The following ADCY4 variants were observed in gnomAD, a reference collection of about 807,000 sequenced individuals.
The protein encoded by ADCY4 is adenylate cyclase 4.
Under a neutral mutation model 125.5 loss-of-function variants are expected in ADCY4, and 111 were observed. That is an observed-to-expected ratio of 0.88 (90% CI 0.76 to 1.04). ADCY4 has a LOEUF of 1.04. Among genes scored for constraint, ADCY4 ranks in the 50% least tolerant of loss-of-function variants. The pLI is 0.00. For missense variants in ADCY4, 1,256 were observed against 1,382.9 expected (o/e 0.91, Z 1.46); for synonymous variants, 576 against 586.9 (o/e 0.98, Z 0.27).
chr14:24,324,391 C>A lies in ADCY4; in HGVS notation c.1824G>T (p.Arg608Ser). The A allele has an allele frequency of 6.2e-7, 1 of 1,613,308 alleles. No homozygotes were observed. Among genetic ancestry groups the A allele is most frequent in the Non-Finnish European group, 8.5e-7 (1 of 1,179,296 alleles). Residue 608 changes from arginine to serine, a missense_variant and splice_region_variant, in exon 15 of 25, where the codon AGG becomes AGT. Transcript: ENST00000418030. ...NFIIQMLVTN[R>S]PPALAITYSI... ...TATACGTGATGGCCAGAGCTGGGGG[C>A]CTGAAGGGAGACAAAAGCGAGGCCT... is the stretch of plus-strand genomic sequence containing the variant.
Position 24,318,551 on chromosome 14 carries a change from T to C in ADCY4, c.3099A>G (p.Ala1033=). Residue 1033 remains alanine, a synonymous_variant, in exon 25 of 25, where the codon GCA becomes GCG. Transcript: ENST00000418030. ...TGTAGCCCAGGGACTGTAGGGCCCA[T>C]GCTGTCTCCTCAGTCACCTACAATT... ...LGKIQVTEET[A]WALQSLGYTC... is the part of the protein sequence containing the mutation. 1 of 1,614,134 alleles carries C rather than the reference T, an allele frequency of 6.2e-7. No homozygotes were observed. Among genetic ancestry groups the C allele is most frequent in the South Asian group, 1.1e-5 (1 of 91,084 alleles).
intron 16 of ADCY4, chr14:24,323,783 G>A (rs1213572028): frequency 3.9e-6 from 2 of 515,400 alleles, no homozygotes; most frequent in Non-Finnish European, 5.0e-6. Flanking sequence ...TTCTAGGAAT[G>A]AGTCTAAATC....
chr14:24,322,332 C>A lies in ADCY4; in HGVS notation c.2428-108G>T, dbSNP rs577255996. On this transcript the variant is annotated intron_variant, in intron 19 of 24. Transcript: ENST00000418030. ...GCCTGAAACCACCCCCACCCCACCC[C>A]CAGTTTAGAAGTAGAGCTTAAGGTG... The A allele has an allele frequency of 2.3e-6, 3 of 1,304,892 alleles. No homozygotes were observed. The South Asian group carries it at 4.2e-5, about 18-fold the overall frequency. The allele number at this position is 1,304,892 out of a possible 1,614,324, so 80.8% of individuals were successfully genotyped here.
chr14:24,323,594 G>C (rs2041891026), intron 16 of ADCY4, 140 bp from the exon 17 acceptor site: 1 of 1,460,394 alleles, frequency 6.8e-7, no homozygotes, highest in Non-Finnish European at 9.0e-7. Flanking sequence ...TGGTTGGGAA[G>C]GGAACCTCAG....
chr14:24,322,705 G>C lies in ADCY4; in HGVS notation c.2346C>G (p.Pro782=), dbSNP rs759609296. Residue 782 remains proline (P), a synonymous_variant, in exon 19 of 25, where the codon CCC becomes CCG. Transcript: ENST00000418030. ...TCAGTTTGGGCTCCTTCAGCACTCCGGGCCTGAAGGGGCCATGGATCAGGG... is the reference window on the plus strand; with the variant it reads ...TCAGTTTGGGCTCCTTCAGCACTCCCGGCCTGAAGGGGCCATGGATCAGGG... ...RLYLGPLDSR[P]GVLKEPKLMG... 2 of 1,613,760 alleles carry C rather than the reference G, an allele frequency of 1.2e-6. No individual in the cohort carries two copies. The highest frequency in any genetic ancestry group is 1.7e-6 in the Non-Finnish European group (2 of 1,179,834).
chr14:24,332,754 G>A (rs74938056), intron 2 of ADCY4, 37 bp downstream of exon 2: 15 of 1,531,744 alleles, frequency 9.8e-6, no homozygotes, highest in Admixed American at 4.0e-5. Context: ...ATCGAAGCCC[G>A]GGCCGTCCCC....
chr14:24,325,744 A>C, intron 13 of ADCY4, 74 bp downstream of exon 13: 1 of 1,521,250 alleles, frequency 6.6e-7, no homozygotes, highest in Non-Finnish European at 8.9e-7. Context: ...GAGGAGACCC[A>C]AGGGCTGACC....
At position 24,334,712 on chromosome 14, in the gene ADCY4, G is replaced by C. The variant is rs2042106756; in HGVS notation, c.-60C>G. ...GGCCGGGCGCCGGGTTACCTCCTTC[G>C]GCCCGGCGGGCCCCACCTGAGCTTT... On this transcript the variant is annotated 5_prime_UTR_variant, in exon 1 of 25. Coordinates refer to ENST00000418030, the MANE Select transcript of ADCY4 (RefSeq NM_001198568.2). 2 of 1,339,024 alleles carry C rather than the reference G, an allele frequency of 1.5e-6. No individual in the cohort carries two copies. The highest frequency in any genetic ancestry group is 2.0e-6 in the Non-Finnish European group (2 of 1,009,772). The allele number at this position is 1,339,024 out of a possible 1,614,324, so 82.9% of individuals were successfully genotyped here. A position where few individuals can be genotyped will look rare whatever the true frequency, so the allele number is the denominator to read the frequency against.
In ADCY4 at chr14:24,326,071, C is replaced by T. The variant is rs1185601033; in HGVS notation, c.1655+8G>A. 4 of 1,571,692 alleles carry T rather than the reference C, an allele frequency of 2.5e-6. No homozygotes were observed. Among genetic ancestry groups the T allele is most frequent in the East Asian group, 2.2e-5 (1 of 44,474 alleles). On this transcript the variant is annotated splice_region_variant and intron_variant, in intron 12 of 24. Transcript: ENST00000418030. ...TGCGGCCCCCCCAGCCCTCTTTGTT[C>T]TCCGTACTTCTGCGAGTTGAGCTGC...
Position 24,334,803 on chromosome 14 carries a change from C to T in ADCY4, c.-151G>A, listed in dbSNP as rs2042108177. The T allele has an allele frequency of 1.6e-6, 1 of 639,108 alleles. No individual in the cohort carries two copies. The highest frequency in any genetic ancestry group is 2.6e-6 in the Non-Finnish European group (1 of 383,298). The allele number at this position is 639,108 out of a possible 1,614,324, so 39.6% of individuals were successfully genotyped here. A position where few individuals can be genotyped will look rare whatever the true frequency, so the allele number is the denominator to read the frequency against. ...CTCGTGGCAATCCCGTCTCCTTTTTCAGGCCCTCCCTGCGGCCTCCCAGCC... is the reference window on the plus strand; with the variant it reads ...CTCGTGGCAATCCCGTCTCCTTTTTTAGGCCCTCCCTGCGGCCTCCCAGCC... On this transcript the variant is annotated 5_prime_UTR_variant, in exon 1 of 25. Transcript: ENST00000418030.
intron 14 of ADCY4, among the ~76,000 whole-genome samples, chr14:24,324,631 C>T (rs2041912017): frequency 6.6e-6 from 1 of 151,604 alleles, no homozygotes; most frequent in Non-Finnish European, 1.5e-5. Flanking sequence ...TGGGGGCTCA[C>T]AAGAATGGCT....
At chr14:24,330,817 C>G (rs11622406) in intron 6 of ADCY4, 14,680 of 556,950 alleles carry the variant, frequency 0.026, 264 homozygotes, top group Non-Finnish European at 0.035. Flanking sequence ...ATTGAGGGAT[C>G]TCTGTAGGTT....
In ADCY4 at chr14:24,330,960, G is replaced by A. The variant is rs2042031394; in HGVS notation, c.930+58C>T. ...TAAGGTGGGAGTTTCCCTTGGAAGGGGCTACCCAGGATGGGATGTTTGAGG... is the reference window on the plus strand; with the variant it reads ...TAAGGTGGGAGTTTCCCTTGGAAGGAGCTACCCAGGATGGGATGTTTGAGG... On this transcript the variant is annotated intron_variant, in intron 6 of 24. Transcript: ENST00000418030. 4.7e-6 allele frequency: 7 copies of A among 1,488,982 alleles called. No homozygotes were observed. In the East Asian group the frequency reaches 1.4e-4, roughly 29 times the overall value. 92.2% of individuals were successfully genotyped at this position (1,488,982 alleles called of 1,614,324 possible). A position where few individuals can be genotyped will look rare whatever the true frequency, so the allele number is the denominator to read the frequency against.
chr14:24,334,664 C>T lies in ADCY4; in HGVS notation c.-12G>A, dbSNP rs748775612. The stretch of plus-strand genomic sequence containing the variant: ...AAGAGGCGGGCCATGATCTCCCCAG[C>T]CCCGAGCCCCGGGGCTGGCTAGGGC... On this transcript the variant is annotated 5_prime_UTR_variant, in exon 1 of 25. Transcript: ENST00000418030. 7.8e-6 allele frequency: 12 copies of T among 1,532,634 alleles called. No homozygotes were observed. Among genetic ancestry groups the T allele is most frequent in the East Asian group, 2.5e-5 (1 of 40,524 alleles). 94.9% of individuals were successfully genotyped at this position (1,532,634 alleles called of 1,614,324 possible).
Position 24,322,926 on chromosome 14 carries a change from AGAGGCGGACGAT to A in ADCY4, c.2308_2319del (p.Ile770_Leu773del), listed in dbSNP as rs771922013. 6.2e-7 allele frequency: 1 copy of A among 1,606,816 alleles called. No individual in the cohort carries two copies. Among genetic ancestry groups the A allele is most frequent in the South Asian group, 1.1e-5 (1 of 89,998 alleles). On this transcript the variant is annotated inframe_deletion, in exon 18 of 25. Coordinates refer to ENST00000418030, the MANE Select transcript of ADCY4 (RefSeq NM_001198568.2). Reference sequence around the variant, plus strand: ...CACCTGGAGTCCAAGGGGCCCAGATAGAGGCGGACGATGAGGCATTCCGACAGCCAGGCATGG... The same window carrying A: ...CACCTGGAGTCCAAGGGGCCCAGATAGAGGCATTCCGACAGCCAGGCATGG...
chr14:24,322,322 C>T (rs935902668), intron 19 of ADCY4, 98 bp from the exon 20 acceptor site: 10 of 1,362,140 alleles, frequency 7.3e-6, no homozygotes, highest in Non-Finnish European at 1.0e-5. Context: ...AAACCACCCC[C>T]ACCCCACCCC....
intron 10 of ADCY4, 54 bp from the exon 11 acceptor site, chr14:24,326,396 A>T: frequency 6.2e-7 from 1 of 1,600,136 alleles, no homozygotes; most frequent in South Asian, 1.1e-5. Flanking sequence ...CCCTGCAGTG[A>T]GGTAGACCAT....
At position 24,329,468 on chromosome 14, in the gene ADCY4, C is replaced by T. The variant is rs2042005611; in HGVS notation, c.1283G>A (p.Gly428Asp). 1 of 1,582,332 alleles carries T rather than the reference C, an allele frequency of 6.3e-7. No homozygotes were observed. The highest frequency in any genetic ancestry group is 2.2e-5 in the East Asian group (1 of 44,704). ...AAGGTAGGGGTCCCGATGCTCCATG[C>T]CTGCGTCCTCCACAGCATAAGCCCC... Reference protein sequence around the residue: ...LAGAYAVEDAGMEHRDPYLRE... With the variant: ...LAGAYAVEDADMEHRDPYLRE... The change falls in exon 9 of 25, where the codon GGC (glycine) becomes GAC (aspartate). Residue 428 changes from glycine (G) to aspartate (D), a missense_variant. Coordinates refer to ENST00000418030, the MANE Select transcript of ADCY4 (RefSeq NM_001198568.2).
In ADCY4 at chr14:24,324,274, G is replaced by A. The variant is rs777469317; in HGVS notation, c.1908+33C>T. On this transcript the variant is annotated intron_variant, in intron 15 of 24. Coordinates refer to ENST00000418030, the MANE Select transcript of ADCY4 (RefSeq NM_001198568.2). ...CAGGACAGGTTGTGACCAGGGCTCC[G>A]GCATACCACTTCCACCCCTCAGCCC... 20 of 1,613,794 alleles carry A rather than the reference G, an allele frequency of 1.2e-5. No homozygotes were observed. The South Asian group carries it at 1.4e-4, about 12-fold the overall frequency.
Sources: gnomAD v4.1 joint callset for allele counts (sites outside exome capture counted in the v4.1 genomes callset) on GRCh38, gnomAD v4.1.1 for gene constraint, MANE v1.5 for transcripts, NCBI Gene and HGNC (gene_info 2026-07-23, HGNC 2026-07-21) for gene names.